Variants in CCDC178 observed in about 807,000 individuals in gnomAD.
CCDC178 encodes coiled-coil domain-containing protein 178.
In CCDC178, 126 loss-of-function variants were observed where a neutral mutation model predicts 117.4. The ratio of observed to expected loss-of-function variants is 1.07; its 90% CI spans 0.93 to 1.24. The LOEUF (loss-of-function observed/expected upper bound fraction) is 1.24, where lower values mean the gene tolerates loss of function less well. Ranked by LOEUF, CCDC178 falls within the 50% of genes most tolerant of loss-of-function variation. The pLI is 0.00. For missense variants in CCDC178, 1,030 were observed against 986.9 expected (o/e 1.04, Z -0.59); for synonymous variants, 283 against 313.4 (o/e 0.90, Z 1.02).
chr18:32,983,209 G>T, intron 21 of CCDC178: 2 of 861,740 alleles, frequency 2.3e-6, no homozygotes, highest in Non-Finnish European at 3.7e-6. Context: ...GTGACAATGT[G>T]TGACACTTGT....
At chr18:33,111,333 T>C (rs1220544902) in intron 20 of CCDC178, among the ~76,000 whole-genome samples, 1 of 151,646 alleles carries the variant, frequency 6.6e-6, no homozygotes, top group Non-Finnish European at 1.5e-5. Flanking sequence ...TGTTCTCATA[T>C]AATGACAGCT....
At chr18:33,180,109 A>G (rs993752889) in intron 20 of CCDC178, among the ~76,000 whole-genome samples, 10 of 151,930 alleles carry the variant, frequency 6.6e-5, no homozygotes, top group Admixed American at 2.6e-4. Context: ...TGAGTCCATC[A>G]TTTATTTAAC....
intron 2 of CCDC178, among the ~76,000 whole-genome samples, chr18:33,429,092 C>A (rs1318918074): frequency 3.3e-5 from 5 of 150,580 alleles, no homozygotes; most frequent in Middle Eastern, 3.2e-3. Context: ...ACCAAAATCA[C>A]AAAATATTTT....
At chr18:33,326,185 G>A (rs2062582038) in intron 10 of CCDC178, among the ~76,000 whole-genome samples, 1 of 152,182 alleles carries the variant, frequency 6.6e-6, no homozygotes, top group Non-Finnish European at 1.5e-5. Context: ...CTTATGGGTG[G>A]CAACCAGTGG....
chr18:33,333,970 A>C (rs2062707631), intron 9 of CCDC178, among the ~76,000 whole-genome samples: 1 of 152,310 alleles, frequency 6.6e-6, no homozygotes, highest in South Asian at 2.1e-4. Flanking sequence ...CATTCTATAA[A>C]GTACTCTATG....
chr18:33,370,262 A>C (rs2063279295), intron 5 of CCDC178, 73 bp from the exon 6 acceptor site: 1 of 1,145,862 alleles, frequency 8.7e-7, no homozygotes, highest in Non-Finnish European at 1.2e-6. Context: ...GAATAAGCAA[A>C]AAAATTCTGC....
chr18:33,413,900 A>C (rs1215541438), intron 2 of CCDC178, among the ~76,000 whole-genome samples: 1 of 152,222 alleles, frequency 6.6e-6, no homozygotes, highest in Non-Finnish European at 1.5e-5. Context: ...ATCTATGAGA[A>C]GACTGCCCAT....
At chr18:33,359,797 C>T (rs904335060) in intron 6 of CCDC178, among the ~76,000 whole-genome samples, 13 of 151,376 alleles carry the variant, frequency 8.6e-5, no homozygotes, top group East Asian at 1.9e-4. Context: ...TTGCCCGATT[C>T]GATGTAGTTT....
chr18:33,424,108 T>C (rs897861055), intron 2 of CCDC178, among the ~76,000 whole-genome samples: 1 of 152,306 alleles, frequency 6.6e-6, no homozygotes. Flanking sequence ...CAGTAAATAG[T>C]GCAAATATAT....
At chr18:33,410,665 T>A (rs1483437229) in intron 3 of CCDC178, among the ~76,000 whole-genome samples, 1 of 152,134 alleles carries the variant, frequency 6.6e-6, no homozygotes, top group Non-Finnish European at 1.5e-5. Flanking sequence ...TTGATTGCAA[T>A]AATAACCCCA....
chr18:33,074,850 G>C lies in CCDC178; in HGVS notation c.2388+17911C>G, dbSNP rs2057177223. Among the ~76,000 whole-genome samples the C allele has an allele frequency of 2.0e-5, 3 of 152,156 alleles. No individual in the cohort carries two copies. In the South Asian group the frequency reaches 6.2e-4, roughly 32 times the overall value. On this transcript the variant is annotated intron_variant, in intron 21 of 22. Coordinates refer to ENST00000383096, the MANE Select transcript of CCDC178 (RefSeq NM_001105528.4). ...ATGTAGACAACTCATTCCAAAATTT[G>C]TAACAAAACATAAAGTGCTCCAGTA...
chr18:33,072,265 A>G (rs1025653626), intron 21 of CCDC178, among the ~76,000 whole-genome samples: 5 of 152,190 alleles, frequency 3.3e-5, no homozygotes, highest in Admixed American at 6.5e-5. Flanking sequence ...GTTAAAAGCA[A>G]TCAAACACAA....
At chr18:33,208,216 A>T (rs543973508) in intron 20 of CCDC178, among the ~76,000 whole-genome samples, 13 of 152,260 alleles carry the variant, frequency 8.5e-5, no homozygotes, top group Non-Finnish European at 1.5e-4. Context: ...ACTTAAAAAA[A>T]ATTCATGTTA....
At chr18:33,035,653 A>T (rs766497129) in intron 21 of CCDC178, among the ~76,000 whole-genome samples, 5 of 151,992 alleles carry the variant, frequency 3.3e-5, no homozygotes, top group Non-Finnish European at 5.9e-5. Context: ...AGAGAATACA[A>T]ACTTTCAGTT....
chr18:33,354,529 T>G (rs1375864299), intron 7 of CCDC178, among the ~76,000 whole-genome samples: 1 of 152,136 alleles, frequency 6.6e-6, no homozygotes, highest in Non-Finnish European at 1.5e-5. Context: ...ATTCACTGAT[T>G]ATTCTGACTG....
chr18:33,373,220 A>G (rs988384180), intron 5 of CCDC178, among the ~76,000 whole-genome samples: 1 of 152,166 alleles, frequency 6.6e-6, no homozygotes, highest in Non-Finnish European at 1.5e-5. Context: ...GACACTTATC[A>G]CTAAATATCT....
intron 2 of CCDC178, among the ~76,000 whole-genome samples, chr18:33,424,524 C>G (rs1253058134): frequency 5.9e-5 from 9 of 152,176 alleles, no homozygotes; most frequent in African/African-American, 2.2e-4. Flanking sequence ...TTCTAAGCCA[C>G]TAGTGTCTGT....
chr18:32,995,053 C>G (rs1223532309), intron 21 of CCDC178, among the ~76,000 whole-genome samples: 1 of 152,186 alleles, frequency 6.6e-6, no homozygotes, highest in Admixed American at 6.5e-5. Flanking sequence ...CCCTGCACTC[C>G]TTTTCATAGG....
intron 4 of CCDC178, among the ~76,000 whole-genome samples, chr18:33,391,547 G>C (rs1237883900): frequency 6.6e-6 from 1 of 151,992 alleles, no homozygotes; most frequent in Non-Finnish European, 1.5e-5. Flanking sequence ...ATTCAAAAAA[G>C]TTTAATAAGT....
Sources: gnomAD v4.1 joint callset for allele counts (sites outside exome capture counted in the v4.1 genomes callset) on GRCh38, gnomAD v4.1.1 for gene constraint, MANE v1.5 for transcripts, NCBI Gene and HGNC (gene_info 2026-07-23, HGNC 2026-07-21) for gene names.